SLC39A12: variants seen among roughly 807,000 people sequenced by gnomAD.
SLC39A12 encodes zinc transporter ZIP12.
A neutral mutation model predicts 71.1 loss-of-function variants in SLC39A12; 63 were observed. The ratio of observed to expected loss-of-function variants is 0.89; its 90% CI spans 0.72 to 1.09. The LOEUF (loss-of-function observed/expected upper bound fraction) is 1.09, where lower values mean the gene tolerates loss of function less well. Among genes scored for constraint, SLC39A12 ranks in the 50% least tolerant of loss-of-function variants. SLC39A12 has a pLI of 0.00. For synonymous variants in SLC39A12, 351 were observed against 301.3 expected, an observed-to-expected ratio of 1.16 and a Z score of -1.71; for missense variants, 892 against 812.6, an observed-to-expected ratio of 1.10 and a Z score of -1.19.
chr10:18,030,160 T>C (rs1345570415), intron 12 of SLC39A12, among the ~76,000 whole-genome samples: 1 of 152,176 alleles, frequency 6.6e-6, no homozygotes, highest in Non-Finnish European at 1.5e-5. Context: ...CCACCGAAAT[T>C]GAAATGGAAA....
intron 12 of SLC39A12, among the ~76,000 whole-genome samples, chr10:18,037,484 T>C (rs2497786): frequency 0.77 from 116,431 of 152,118 alleles, 45,477 homozygotes; most frequent in African/African-American, 0.91. Flanking sequence ...TCTTGTCCTC[T>C]TTCTGACATC....
chr10:17,980,401 A>G (rs1010742628), intron 5 of SLC39A12, among the ~76,000 whole-genome samples: 2 of 152,274 alleles, frequency 1.3e-5, no homozygotes, highest in East Asian at 1.9e-4. Context: ...TTTTTAAAAC[A>G]ATACCTTACT....
intron 6 of SLC39A12, among the ~76,000 whole-genome samples, chr10:17,986,366 A>C (rs925502414): frequency 6.6e-6 from 1 of 152,186 alleles, no homozygotes; most frequent in Non-Finnish European, 1.5e-5. Context: ...CCACAAACGG[A>C]TGGCTTATGT....
intron 12 of SLC39A12, among the ~76,000 whole-genome samples, chr10:18,034,390 C>G (rs1836937259): frequency 6.6e-6 from 1 of 152,212 alleles, no homozygotes; most frequent in African/African-American, 2.4e-5. Flanking sequence ...TAATTGATCT[C>G]TTTACCATTA....
intron 10 of SLC39A12, among the ~76,000 whole-genome samples, chr10:17,999,824 G>A (rs140282118): frequency 2.0e-5 from 3 of 152,288 alleles, no homozygotes; most frequent in African/African-American, 7.2e-5. Flanking sequence ...AATGGGGAGT[G>A]AATGGGGCGC....
chr10:17,959,011 C>T (rs1834619860), intron 2 of SLC39A12, among the ~76,000 whole-genome samples: 1 of 152,170 alleles, frequency 6.6e-6, no homozygotes, highest in African/African-American at 2.4e-5. Context: ...AGATACTCTG[C>T]ACATTGCTGG....
chr10:17,995,334 G>A (rs1410596785), intron 9 of SLC39A12, among the ~76,000 whole-genome samples: 1 of 152,078 alleles, frequency 6.6e-6, no homozygotes, highest in Non-Finnish European at 1.5e-5. Context: ...AATTTTTTTC[G>A]ATAGCTTTTG....
In SLC39A12 at chr10:17,987,554, A is replaced by G. The variant is rs1341869330; in HGVS notation, c.1172A>G (p.His391Arg). 1.2e-6 allele frequency: 2 copies of G among 1,614,080 alleles called. No individual in the cohort carries two copies. The highest frequency in any genetic ancestry group is 8.5e-7 in the Non-Finnish European group (1 of 1,180,018). ...SMLGTALVLF[H>R]SCEENYRLIL... ...CTGGGGACAGCGCTGGTCCTTTTCC[A>G]TAGCTGTGAGGAGAACTACAGGCTT... is the stretch of plus-strand genomic sequence containing the variant. The change falls in exon 7 of 13, where the codon CAT becomes CGT. Residue 391 changes from histidine (H) to arginine (R), a missense_variant. His to Arg is a conservative substitution (Grantham distance 29). Coordinates refer to ENST00000377369, the MANE Select transcript of SLC39A12 (RefSeq NM_001145195.2).
intron 11 of SLC39A12, among the ~76,000 whole-genome samples, chr10:18,001,140 C>T (rs1835822269): frequency 6.6e-6 from 1 of 152,108 alleles, no homozygotes; most frequent in African/African-American, 2.4e-5. Context: ...TTAAAATCTG[C>T]ATATTAAATG....
intron 5 of SLC39A12, 37 bp downstream of exon 5, chr10:17,978,111 CT>C (rs1394696745): frequency 3.3e-6 from 5 of 1,505,942 alleles, no homozygotes; most frequent in Non-Finnish European, 3.6e-6. Flanking sequence ...GCATTTGCTA[CT>C]GTCAAAGGAA....
intron 4 of SLC39A12, among the ~76,000 whole-genome samples, chr10:17,967,849 T>C (rs1212999517): frequency 1.3e-5 from 2 of 149,660 alleles, no homozygotes; most frequent in Non-Finnish European, 3.0e-5. Flanking sequence ...TTCCCGCCAC[T>C]GTACTCCAGC....
intron 6 of SLC39A12, among the ~76,000 whole-genome samples, chr10:17,983,057 G>A (rs996353282): frequency 1.0e-4 from 15 of 149,768 alleles, no homozygotes; most frequent in Admixed American, 4.0e-4. Flanking sequence ...AAAAATAGCC[G>A]GGCATGCTGG....
chr10:17,997,560 A>G (rs73607834), intron 10 of SLC39A12, among the ~76,000 whole-genome samples: 2,370 of 152,234 alleles, frequency 0.016, 68 homozygotes, highest in African/African-American at 0.053. Context: ...CTGAAAGAGG[A>G]TGCTAGATTA....
intron 12 of SLC39A12, chr10:18,004,354 T>G (rs552212342): frequency 6.6e-6 from 1 of 152,192 alleles, no homozygotes; most frequent in Non-Finnish European, 1.5e-5. Flanking sequence ...GAAGGTAATA[T>G]GTGGAACAGA....
intron 12 of SLC39A12, among the ~76,000 whole-genome samples, chr10:18,021,928 G>A (rs1836543974): frequency 6.6e-6 from 1 of 152,058 alleles, no homozygotes; most frequent in South Asian, 2.1e-4. Flanking sequence ...TTTTCTTTAA[G>A]GATTCTTAAT....
intron 4 of SLC39A12, among the ~76,000 whole-genome samples, chr10:17,969,336 C>T (rs186886088): frequency 2.1e-3 from 316 of 152,218 alleles, no homozygotes; most frequent in African/African-American, 7.1e-3. Flanking sequence ...TATGGTAGCT[C>T]AATTTTTAGT....
intron 7 of SLC39A12, 29 bp downstream of exon 7, chr10:17,987,680 A>C: frequency 6.2e-7 from 1 of 1,611,892 alleles, no homozygotes; most frequent in Non-Finnish European, 8.5e-7. Flanking sequence ...TTTCAGATAA[A>C]GTTCACTTCA....
intron 11 of SLC39A12, 61 bp downstream of exon 11, chr10:18,000,886 G>C: frequency 6.7e-7 from 1 of 1,484,174 alleles, no homozygotes; most frequent in Non-Finnish European, 9.2e-7. Context: ...CATCTTTCCA[G>C]CTATGGTTTA....
At chr10:18,027,800 A>G (rs1405972235) in intron 12 of SLC39A12, among the ~76,000 whole-genome samples, 2 of 152,282 alleles carry the variant, frequency 1.3e-5, no homozygotes, top group South Asian at 4.1e-4. Flanking sequence ...CAGAATGGCA[A>G]TTGCTCATTT....
Sources: allele counts gnomAD v4.1 joint callset (sites outside exome capture counted in the v4.1 genomes callset), GRCh38; gene constraint gnomAD v4.1.1; transcripts MANE v1.5; gene names NCBI Gene and HGNC (gene_info 2026-07-23, HGNC 2026-07-21).